The following DGKB variants were observed in gnomAD, a reference collection of about 807,000 sequenced individuals.
DGKB encodes the protein 90 kDa diacylglycerol kinase.
A neutral mutation model predicts 114.3 loss-of-function variants in DGKB; 67 were observed. The ratio of observed to expected loss-of-function variants is 0.59; its 90% CI spans 0.48 to 0.72. The LOEUF (loss-of-function observed/expected upper bound fraction) is 0.72. DGKB is among the 30% of genes least tolerant of loss of function. The probability of loss-of-function intolerance (pLI) is 0.00; values close to 1 mark genes in which losing one functional copy is unlikely to be tolerated. For missense variants in DGKB, 907 were observed against 975.2 expected (o/e 0.93, Z 0.93); for synonymous variants, 398 against 323.1 (o/e 1.23, Z -2.49).
intron 1 of DGKB, among the ~76,000 whole-genome samples, chr7:14,932,870 C>CAGTG (rs1376922395): frequency 6.6e-6 from 1 of 152,140 alleles, no homozygotes; most frequent in Non-Finnish European, 1.5e-5. Context: ...AAAAAAGAGG[C>CAGTG]AGTGAGTGAT....
chr7:14,813,446 G>T (rs1843692463), intron 2 of DGKB, among the ~76,000 whole-genome samples: 1 of 152,156 alleles, frequency 6.6e-6, no homozygotes, highest in African/African-American at 2.4e-5. Context: ...CTAGCGGAGT[G>T]TGCCTGAGAG....
At chr7:14,690,752 G>A (rs139744451) in intron 9 of DGKB, among the ~76,000 whole-genome samples, 29 of 152,328 alleles carry the variant, frequency 1.9e-4, no homozygotes, top group African/African-American at 6.5e-4. Context: ...CACTGGAACA[G>A]AGTTTACCTC....
chr7:14,866,624 C>T (rs1851748840), intron 1 of DGKB, among the ~76,000 whole-genome samples: 1 of 152,010 alleles, frequency 6.6e-6, no homozygotes, highest in Non-Finnish European at 1.5e-5. Context: ...ATTTATTTAT[C>T]TAGTCACCCT....
intron 23 of DGKB, among the ~76,000 whole-genome samples, chr7:14,244,530 C>T (rs1273250496): frequency 4.6e-5 from 7 of 151,602 alleles, no homozygotes; most frequent in Non-Finnish European, 8.8e-5. Flanking sequence ...AACAGCAGGG[C>T]GTGGTGGCAT....
At chr7:14,750,990 G>C (rs1834045103) in intron 4 of DGKB, among the ~76,000 whole-genome samples, 2 of 151,676 alleles carry the variant, frequency 1.3e-5, no homozygotes, top group South Asian at 2.1e-4. Context: ...TTTTAGTGGA[G>C]TCAGTATTTT....
intron 2 of DGKB, 66 bp downstream of exon 2, chr7:14,841,128 T>C (rs1354802540): frequency 3.6e-6 from 5 of 1,374,750 alleles, no homozygotes; most frequent in Non-Finnish European, 3.0e-6. Flanking sequence ...TCCATTCTTA[T>C]AAATAAATGA....
chr7:14,207,846 A>ATACTC, intron 23 of DGKB, among the ~76,000 whole-genome samples: 1 of 151,758 alleles, frequency 6.6e-6, no homozygotes, highest in Admixed American at 6.6e-5. Context: ...ATGGATTCCA[A>ATACTC]TACTCTATCT....
At chr7:14,358,015 G>C (rs1814922052) in intron 21 of DGKB, among the ~76,000 whole-genome samples, 1 of 152,090 alleles carries the variant, frequency 6.6e-6, no homozygotes, top group Non-Finnish European at 1.5e-5. Context: ...CTCTCTGGCT[G>C]CCCTTTACAT....
chr7:14,755,747 A>G (rs1230088199), intron 3 of DGKB, among the ~76,000 whole-genome samples: 1 of 152,134 alleles, frequency 6.6e-6, no homozygotes, highest in Non-Finnish European at 1.5e-5. Flanking sequence ...CTTTTAGAAG[A>G]TACATACTAG....
chr7:14,691,110 A>C (rs1267576697), intron 9 of DGKB, among the ~76,000 whole-genome samples: 1 of 152,210 alleles, frequency 6.6e-6, no homozygotes, highest in Non-Finnish European at 1.5e-5. Flanking sequence ...TCTTTAAAAT[A>C]GACTAGTTTT....
intron 21 of DGKB, among the ~76,000 whole-genome samples, chr7:14,374,887 TGTCTCCTGAGG>T (rs1311263085): frequency 2.7e-4 from 41 of 152,172 alleles, no homozygotes; most frequent in Admixed American, 2.7e-3. Context: ...TATTGCCGAA[TGTCTCCTGAGG>T]AGGGCACAGA....
At chr7:14,484,298 T>A (rs1783437331) in intron 20 of DGKB, among the ~76,000 whole-genome samples, 1 of 152,180 alleles carries the variant, frequency 6.6e-6, no homozygotes, top group African/African-American at 2.4e-5. Context: ...AAGAAGGATT[T>A]ATTTTAACGC....
intron 2 of DGKB, among the ~76,000 whole-genome samples, chr7:14,823,483 T>C (rs926001605): frequency 6.6e-6 from 1 of 152,140 alleles, no homozygotes; most frequent in Non-Finnish European, 1.5e-5. Context: ...AGATTTTTTT[T>C]GCTAATTTCT....
chr7:14,969,351 T>C (rs554181392), intron 1 of DGKB, among the ~76,000 whole-genome samples: 1 of 152,198 alleles, frequency 6.6e-6, no homozygotes, highest in African/African-American at 2.4e-5. Flanking sequence ...ATGGGGATAC[T>C]TTCTGAGAAG....
chr7:14,614,685 A>T (rs1806199343), intron 15 of DGKB, among the ~76,000 whole-genome samples: 1 of 152,078 alleles, frequency 6.6e-6, no homozygotes, highest in Non-Finnish European at 1.5e-5. Flanking sequence ...GCAATGGGGA[A>T]ATGTTAAAAT....
At chr7:14,457,748 T>C (rs1161742563) in intron 21 of DGKB, among the ~76,000 whole-genome samples, 1 of 152,190 alleles carries the variant, frequency 6.6e-6, no homozygotes, top group Non-Finnish European at 1.5e-5. Context: ...CAGATGCCCT[T>C]TGACCTCCTA....
At chr7:14,795,338 T>C (rs2128031452) in intron 2 of DGKB, among the ~76,000 whole-genome samples, 1 of 152,320 alleles carries the variant, frequency 6.6e-6, no homozygotes, top group Non-Finnish European at 1.5e-5. Flanking sequence ...TGCTGAGATA[T>C]GGACCAAAAG....
intron 2 of DGKB, among the ~76,000 whole-genome samples, chr7:14,770,331 T>C (rs1837231458): frequency 6.6e-6 from 1 of 152,066 alleles, no homozygotes; most frequent in Non-Finnish European, 1.5e-5. Flanking sequence ...GGTATAGCTC[T>C]GAGAATGTCT....
At chr7:14,306,762 G>A (rs534810309) in intron 23 of DGKB, among the ~76,000 whole-genome samples, 1 of 152,142 alleles carries the variant, frequency 6.6e-6, no homozygotes, top group South Asian at 2.1e-4. Flanking sequence ...CCCTCATGGT[G>A]CTTAAAGTTT....
Sources: gnomAD v4.1 joint callset for allele counts (sites outside exome capture counted in the v4.1 genomes callset) on GRCh38, gnomAD v4.1.1 for gene constraint, MANE v1.5 for transcripts, NCBI Gene and HGNC (gene_info 2026-07-23, HGNC 2026-07-21) for gene names.